Variants in ZNF112 observed in about 807,000 individuals in gnomAD.
ZNF112 encodes the protein zinc finger protein 112.
A neutral mutation model predicts 77.7 loss-of-function variants in ZNF112; 37 were observed. That is an observed-to-expected ratio of 0.48 (90% confidence interval 0.37 to 0.63). ZNF112 has a LOEUF of 0.63. Ranked by LOEUF, ZNF112 falls within the 20% of genes least tolerant of loss-of-function variation. The probability of loss-of-function intolerance (pLI) is 0.00; values close to 1 mark genes in which losing one functional copy is unlikely to be tolerated. For synonymous variants in ZNF112, 333 were observed against 363.6 expected (o/e 0.92, Z 0.96); for missense variants, 950 against 1,077.4 (o/e 0.88, Z 1.66).
At chr19:44,346,847 A>C (rs984847208) in intron 1 of ZNF112, among the ~76,000 whole-genome samples, 1 of 152,242 alleles carries the variant, frequency 6.6e-6, no homozygotes, top group African/African-American at 2.4e-5. Flanking sequence ...CTGCGAGCTC[A>C]AAGACAGGTC....
Position 44,329,909 on chromosome 19 carries a change from C to T in ZNF112, c.248G>A (p.Ser83Asn). 6.2e-7 allele frequency: 1 copy of T among 1,612,326 alleles called. No homozygotes were observed. Among genetic ancestry groups the T allele is most frequent in the East Asian group, 2.2e-5 (1 of 44,850 alleles). Residue 83 changes from serine (S) to asparagine (N), a missense_variant, in exon 4 of 4, where the codon AGT becomes AAT. Physicochemically the swap from Ser to Asn is conservative, Grantham distance 46. This residue lies in a region of ZNF112 where 560 missense variants were observed against 557.3 expected (regional missense o/e 1.00). Coordinates refer to ENST00000354340, the MANE Select transcript of ZNF112 (RefSeq NM_013380.4). Reference protein sequence around the residue: ...SGRKNQQKMESIQEVTVSYFS... With the variant: ...SGRKNQQKMENIQEVTVSYFS... ...GTAGCTTACTGTTACTTCCTGAATA[C>T]TCTCCATCTTTTGTTGATTCTTCCT...
intron 3 of ZNF112, among the ~76,000 whole-genome samples, chr19:44,334,871 C>T (rs1421835397): frequency 1.3e-5 from 2 of 152,234 alleles, no homozygotes; most frequent in Non-Finnish European, 2.9e-5. Context: ...GTGGAGCCCT[C>T]ATGGAGAACC....
Position 44,341,176 on chromosome 19 carries a change from G to T in ZNF112, c.-3-634C>A, listed in dbSNP as rs774056788. On this transcript the variant is annotated intron_variant, in intron 1 of 3. Coordinates refer to ENST00000354340, the MANE Select transcript of ZNF112 (RefSeq NM_013380.4). The stretch of plus-strand genomic sequence containing the variant: ...CATGGAAAACAGCACCTGGCACACA[G>T]TAAGTACCCAACAAATGTTAGCTAC... The T allele has an allele frequency of 8.8e-6, 4 of 456,672 alleles. No homozygotes were observed. The Admixed American group carries it at 9.4e-5, about 11-fold the overall frequency. The allele number at this position is 456,672 out of a possible 1,614,324, so 28.3% of individuals were successfully genotyped here.
upstream of ZNF112, among the ~76,000 whole-genome samples, chr19:44,358,984 C>T (rs1970826940): frequency 6.6e-6 from 1 of 152,176 alleles, no homozygotes; most frequent in Admixed American, 6.5e-5. Context: ...TTTCTTGTAG[C>T]AACTGCCTAA....
chr19:44,363,743 G>A (rs556689653), intron 1 of ZNF112, among the ~76,000 whole-genome samples: 3 of 152,186 alleles, frequency 2.0e-5, no homozygotes, highest in East Asian at 3.9e-4. Flanking sequence ...GTCTTTTTGC[G>A]TGCATGTGCT....
intron 1 of ZNF112, among the ~76,000 whole-genome samples, chr19:44,366,384 C>T (rs1291297004): frequency 2.0e-5 from 3 of 151,962 alleles, no homozygotes; most frequent in Admixed American, 6.6e-5. Flanking sequence ...CCCACCCTCC[C>T]TCCTTCCTTC....
At chr19:44,356,747 C>A (rs1970794686), upstream of ZNF112, 5 of 152,074 alleles carry the variant, frequency 3.3e-5, no homozygotes, top group Admixed American at 3.3e-4. Flanking sequence ...CGGCCTCAGC[C>A]TCCTAGAGCG....
chr19:44,358,156 G>GAAAAAAAAAAAAAAAAA (rs59023124), upstream of ZNF112, among the ~76,000 whole-genome samples: 1 of 130,390 alleles, frequency 7.7e-6, no homozygotes, highest in African/African-American at 2.8e-5. Context: ...CGTCTCAAAA[G>GAAAAAAAAAAAAAAAAA]AAAAAAAAAA....
At chr19:44,351,536 G>A (rs1970691770) in intron 1 of ZNF112, among the ~76,000 whole-genome samples, 1 of 152,026 alleles carries the variant, frequency 6.6e-6, no homozygotes, top group Admixed American at 6.6e-5. Context: ...CAATTTTGAT[G>A]ACAAGGAATA....
intron 3 of ZNF112, among the ~76,000 whole-genome samples, chr19:44,330,763 A>G (rs1248648433): frequency 6.6e-6 from 1 of 152,180 alleles, no homozygotes; most frequent in African/African-American, 2.4e-5. Context: ...ACAACTATAA[A>G]CATGTTATCA....
intron 1 of ZNF112, among the ~76,000 whole-genome samples, chr19:44,347,102 G>A (rs887511142): frequency 6.6e-6 from 1 of 151,824 alleles, no homozygotes; most frequent in Non-Finnish European, 1.5e-5. Flanking sequence ...TGTAACTGTT[G>A]TTTTGTAGGT....
At chr19:44,363,483 G>A (rs569155504) in intron 1 of ZNF112, among the ~76,000 whole-genome samples, 1 of 152,224 alleles carries the variant, frequency 6.6e-6, no homozygotes, top group African/African-American at 2.4e-5. Context: ...GGCAACCACT[G>A]TTCTACTTTT....
At chr19:44,345,966 C>G (rs900061566) in intron 1 of ZNF112, among the ~76,000 whole-genome samples, 8 of 152,154 alleles carry the variant, frequency 5.3e-5, no homozygotes, top group Non-Finnish European at 1.0e-4. Flanking sequence ...TTTTCACAAC[C>G]CTTCAAATGT....
chr19:44,350,606 G>A (rs1430968914), intron 1 of ZNF112, among the ~76,000 whole-genome samples: 2 of 152,072 alleles, frequency 1.3e-5, no homozygotes, highest in Non-Finnish European at 2.9e-5. Flanking sequence ...GACAGTTAAT[G>A]TCTGAATCAC....
chr19:44,353,879 G>A (rs1052416325), intron 1 of ZNF112, among the ~76,000 whole-genome samples: 11 of 123,048 alleles, frequency 8.9e-5, no homozygotes, highest in South Asian at 3.0e-4. Flanking sequence ...TCCTGGCTTC[G>A]TACCCTACAG....
intron 2 of ZNF112, among the ~76,000 whole-genome samples, chr19:44,337,342 GTATAT>G (rs1970390860): frequency 7.5e-5 from 4 of 53,198 alleles, no homozygotes; most frequent in African/African-American, 3.4e-4. Context: ...TATACATTTT[GTATAT>G]GTGTAAAATA....
chr19:44,358,328 C>T (rs529197061), upstream of ZNF112, among the ~76,000 whole-genome samples: 1 of 151,832 alleles, frequency 6.6e-6, no homozygotes, highest in African/African-American at 2.4e-5. Context: ...ATAAAAGGGA[C>T]AGAATAATAC....
At chr19:44,358,130 C>G (rs1212943441), upstream of ZNF112, among the ~76,000 whole-genome samples, 1 of 126,758 alleles carries the variant, frequency 7.9e-6, no homozygotes, top group Admixed American at 9.5e-5. Flanking sequence ...CCAGCCTGGG[C>G]AACAGAGCGA....
intron 1 of ZNF112, among the ~76,000 whole-genome samples, chr19:44,363,463 T>C (rs1970873795): frequency 6.6e-6 from 1 of 152,182 alleles, no homozygotes; most frequent in African/African-American, 2.4e-5. Context: ...CTCTAACCCC[T>C]TCCCCCAGTG....
Sources: gnomAD v4.1 joint callset for allele counts (sites outside exome capture counted in the v4.1 genomes callset) on GRCh38, gnomAD v4.1.1 for gene constraint, gnomAD v4.1.1 regional missense constraint, MANE v1.5 for transcripts, NCBI Gene and HGNC (gene_info 2026-07-23, HGNC 2026-07-21) for gene names.